Variants in TMEM132D observed in about 807,000 individuals in gnomAD.
TMEM132D encodes the protein transmembrane protein 132D.
TMEM132D carries 21 observed loss-of-function variants against 62.3 expected under a neutral mutation model. The ratio of observed to expected loss-of-function variants is 0.34; its 90% confidence interval spans 0.24 to 0.49. The LOEUF (loss-of-function observed/expected upper bound fraction) is 0.49. TMEM132D is among the 20% of genes least tolerant of loss of function. TMEM132D has a pLI of 0.99. For synonymous variants in TMEM132D, 621 were observed against 575.6 expected (o/e 1.08, Z -1.13); for missense variants, 1,346 against 1,402.8 (o/e 0.96, Z 0.65).
intron 1 of TMEM132D, among the ~76,000 whole-genome samples, chr12:129,810,649 C>T (rs1169866302): frequency 6.6e-6 from 1 of 151,900 alleles, no homozygotes; most frequent in Non-Finnish European, 1.5e-5. Context: ...CAAAGATGTG[C>T]AAAAGAAATA....
intron 2 of TMEM132D, 106 bp downstream of exon 2, chr12:129,699,704 G>A (rs989947326): frequency 1.4e-6 from 2 of 1,399,276 alleles, no homozygotes; most frequent in Admixed American, 2.1e-5. Flanking sequence ...CGGGAAGGCC[G>A]GCTCTACTTC....
chr12:129,599,957 T>C (rs1176497597), intron 2 of TMEM132D, among the ~76,000 whole-genome samples: 1 of 152,202 alleles, frequency 6.6e-6, no homozygotes, highest in African/African-American at 2.4e-5. Flanking sequence ...TGCTGAAGGT[T>C]GGAGTGGCTG....
intron 5 of TMEM132D, among the ~76,000 whole-genome samples, chr12:129,171,298 CTCTACT>C (rs1337728124): frequency 1.3e-5 from 2 of 152,184 alleles, no homozygotes; most frequent in East Asian, 3.8e-4. Context: ...CATCTTCAGG[CTCTACT>C]TCTACTTCTA....
In TMEM132D at chr12:129,463,873, A is replaced by G. The variant is rs1035000643; in HGVS notation, c.1115+67186T>C. Among the ~76,000 whole-genome samples the G allele has an allele frequency of 4.0e-5, 6 of 151,128 alleles. 1 individual carries two copies. The highest frequency in any genetic ancestry group is 2.1e-4 in the South Asian group (1 of 4,702). ...CCACATTTTCTTAATCCAGTCTATC[A>G]TTGTTGGACATTTGGCTTGGTTCCA... On this transcript the variant is annotated intron_variant, in intron 3 of 8. Coordinates refer to ENST00000422113, the MANE Select transcript of TMEM132D (RefSeq NM_133448.3).
At chr12:129,494,312 T>C (rs568363244) in intron 3 of TMEM132D, among the ~76,000 whole-genome samples, 108 of 152,276 alleles carry the variant, frequency 7.1e-4, no homozygotes, top group African/African-American at 2.6e-3. Flanking sequence ...GCAGAGGACT[T>C]AGATATGCCT....
intron 4 of TMEM132D, among the ~76,000 whole-genome samples, chr12:129,307,103 G>A (rs1018256915): frequency 4.7e-5 from 7 of 148,982 alleles, no homozygotes; most frequent in Non-Finnish European, 4.4e-5. Context: ...AATCCCAAAT[G>A]TAAGTCATGA....
At chr12:129,595,096 C>T (rs1265356218) in intron 2 of TMEM132D, among the ~76,000 whole-genome samples, 1 of 152,184 alleles carries the variant, frequency 6.6e-6, no homozygotes, top group East Asian at 1.9e-4. Context: ...GACTAGAAAC[C>T]TGATCTCCTC....
At chr12:129,198,056 G>A (rs1006818131) in intron 5 of TMEM132D, among the ~76,000 whole-genome samples, 3 of 151,962 alleles carry the variant, frequency 2.0e-5, no homozygotes, top group Admixed American at 6.6e-5. Flanking sequence ...GAATCACTAC[G>A]GAATGAAGAT....
chr12:129,363,539 G>A (rs371862829), intron 3 of TMEM132D, among the ~76,000 whole-genome samples: 2 of 152,108 alleles, frequency 1.3e-5, no homozygotes, highest in Non-Finnish European at 1.5e-5. Flanking sequence ...GTGCTGAGAG[G>A]CTCAGATGTT....
chr12:129,309,019 A>G (rs1054654430), intron 4 of TMEM132D, among the ~76,000 whole-genome samples: 1 of 152,226 alleles, frequency 6.6e-6, no homozygotes, highest in Admixed American at 6.5e-5. Context: ...CTTGGTCTTC[A>G]TAATCCATAG....
At chr12:129,337,078 C>A (rs1053136664) in intron 4 of TMEM132D, among the ~76,000 whole-genome samples, 1 of 152,136 alleles carries the variant, frequency 6.6e-6, no homozygotes, top group African/African-American at 2.4e-5. Context: ...ACACAGTAAC[C>A]AGTTTAGTGT....
chr12:129,337,797 T>G lies in TMEM132D; in HGVS notation c.1136A>C (p.Glu379Ala). 1.2e-6 allele frequency: 2 copies of G among 1,611,472 alleles called. No homozygotes were observed. Among genetic ancestry groups the G allele is most frequent in the Non-Finnish European group, 8.5e-7 (1 of 1,178,392 alleles). The change falls in exon 4 of 9, where the codon GAG becomes GCG. Residue 379 changes from glutamate to alanine, a missense_variant. Glu to Ala is a moderately radical substitution (Grantham distance 107). Coordinates refer to ENST00000422113, the MANE Select transcript of TMEM132D (RefSeq NM_133448.3). Reference sequence around the variant, plus strand: ...CACCTCCACATCGATCTGCATGACCTCGTAGGAGGCGCCATCCGCACTGGA... The same window carrying G: ...CACCTCCACATCGATCTGCATGACCGCGTAGGAGGCGCCATCCGCACTGGA... ...SENSADGASY[E>A]VMQIDVEVEE...
intron 2 of TMEM132D, among the ~76,000 whole-genome samples, chr12:129,538,777 A>C (rs929667260): frequency 3.3e-5 from 5 of 152,194 alleles, no homozygotes; most frequent in Admixed American, 2.6e-4. Flanking sequence ...AGATGAAGGG[A>C]GGTGACTGGC....
At chr12:129,631,405 A>G (rs1480110865) in intron 2 of TMEM132D, among the ~76,000 whole-genome samples, 1 of 152,228 alleles carries the variant, frequency 6.6e-6, no homozygotes, top group African/African-American at 2.4e-5. Context: ...AGGGGCAGAA[A>G]GGATCCTGGG....
At chr12:129,147,288 G>GCATATGTATATATATACATGTGCA (rs1371246771) in intron 5 of TMEM132D, among the ~76,000 whole-genome samples, 4 of 149,088 alleles carry the variant, frequency 2.7e-5, no homozygotes, top group African/African-American at 4.9e-5. Context: ...ATATACATGT[G>GCATATGTATATATATACATGTGCA]CATATGTATA....
At chr12:129,130,015 CTGTG>C (rs59282376) in intron 5 of TMEM132D, among the ~76,000 whole-genome samples, 1,729 of 141,938 alleles carry the variant, frequency 0.012, 30 homozygotes, top group African/African-American at 0.038. Flanking sequence ...AAGCTCTGCT[CTGTG>C]TGTGTGTGTG....
Position 129,459,188 on chromosome 12 carries a change from G to A in TMEM132D, c.1115+71871C>T, listed in dbSNP as rs568031155. On this transcript the variant is annotated intron_variant, in intron 3 of 8. Coordinates refer to ENST00000422113, the MANE Select transcript of TMEM132D (RefSeq NM_133448.3). ...CCAGGATGGCTCAGCACTGCACCTG[G>A]AAATGAGGGCAGAGTGAGGCCTGGT... Among the ~76,000 whole-genome samples the A allele has an allele frequency of 5.3e-5, 8 of 152,268 alleles. No homozygotes were observed. The South Asian group carries it at 1.7e-3, about 32-fold the overall frequency.
chr12:129,424,054 T>C (rs1872405015), intron 3 of TMEM132D, among the ~76,000 whole-genome samples: 2 of 152,144 alleles, frequency 1.3e-5, no homozygotes, highest in Non-Finnish European at 2.9e-5. Flanking sequence ...CTTCTATAAG[T>C]ACTACATTTT....
intron 3 of TMEM132D, among the ~76,000 whole-genome samples, chr12:129,390,297 C>A (rs1178770031): frequency 6.6e-6 from 1 of 152,170 alleles, no homozygotes; most frequent in Non-Finnish European, 1.5e-5. Flanking sequence ...CTCCTTATTA[C>A]AATGGCCCAG....
Sources: gnomAD v4.1 joint callset for allele counts (sites outside exome capture counted in the v4.1 genomes callset) on GRCh38, gnomAD v4.1.1 for gene constraint, MANE v1.5 for transcripts, NCBI Gene and HGNC (gene_info 2026-07-23, HGNC 2026-07-21) for gene names.